The following LMBR1 variants were observed in gnomAD, a reference collection of about 807,000 sequenced individuals.
LMBR1 encodes the protein limb region 1 protein homolog.
In LMBR1, 52 loss-of-function variants were observed where a neutral mutation model predicts 73.9. The observed-to-expected ratio is 0.70, with a 90% CI of 0.56 to 0.89. The LOEUF (loss-of-function observed/expected upper bound fraction) is 0.89. LMBR1 is among the 40% of genes least tolerant of loss of function. LMBR1 has a pLI of 0.00. For synonymous variants in LMBR1, 215 were observed against 209.4 expected, an observed-to-expected ratio of 1.03 and a Z score of -0.23; for missense variants, 539 against 579.8, an observed-to-expected ratio of 0.93 and a Z score of 0.72.
At chr7:156,811,182 T>C (rs954313970) in intron 4 of LMBR1, among the ~76,000 whole-genome samples, 1 of 152,236 alleles carries the variant, frequency 6.6e-6, no homozygotes, top group African/African-American at 2.4e-5. Flanking sequence ...TAATCTGCTA[T>C]TAATCTACTG....
At chr7:156,754,157 T>C (rs1821427149) in intron 9 of LMBR1, among the ~76,000 whole-genome samples, 1 of 152,310 alleles carries the variant, frequency 6.6e-6, no homozygotes, top group East Asian at 1.9e-4. Flanking sequence ...CAGCTTTGCT[T>C]TACTTTATTA....
chr7:156,773,806 A>G (rs949177436), intron 5 of LMBR1, among the ~76,000 whole-genome samples: 15 of 152,306 alleles, frequency 9.8e-5, no homozygotes, highest in Admixed American at 9.8e-4. Context: ...AGATTTCAGG[A>G]TGAAGACACC....
chr7:156,695,270 C>T (rs887949959), intron 15 of LMBR1, among the ~76,000 whole-genome samples: 1 of 152,222 alleles, frequency 6.6e-6, no homozygotes, highest in Non-Finnish European at 1.5e-5. Flanking sequence ...AATCATACCA[C>T]TACACTCCAG....
chr7:156,740,623 C>A (rs1818707000), intron 9 of LMBR1, among the ~76,000 whole-genome samples: 2 of 152,156 alleles, frequency 1.3e-5, no homozygotes, highest in African/African-American at 4.8e-5. Context: ...AAAACACTTA[C>A]ACCCTAGAAT....
At chr7:156,884,412 T>C (rs1309007653) in intron 1 of LMBR1, among the ~76,000 whole-genome samples, 3 of 152,094 alleles carry the variant, frequency 2.0e-5, no homozygotes, top group South Asian at 4.2e-4. Flanking sequence ...AACATGAACA[T>C]TGTCCAAATC....
intron 16 of LMBR1, among the ~76,000 whole-genome samples, chr7:156,684,986 G>T (rs1805703351): frequency 6.6e-6 from 1 of 151,962 alleles, no homozygotes; most frequent in Non-Finnish European, 1.5e-5. Context: ...AAAATAAATT[G>T]CCCCTTACAC....
Position 156,670,470 on chromosome 7 carries a change from C to T in LMBR1, n.867-1183G>A, listed in dbSNP as rs996142807. Among the ~76,000 whole-genome samples, 1 of 152,182 alleles carries T rather than the reference C, an allele frequency of 6.6e-6. No homozygotes were observed. The highest frequency in any genetic ancestry group is 2.4e-5 in the African/African-American group (1 of 41,434). On this transcript the variant is annotated intron_variant and non_coding_transcript_variant, in intron 4 of 4. Transcript: ENST00000430825. The surrounding 1 kb of genome is among the most constrained non-coding windows in gnomAD (Gnocchi z 4.3). ...AAGAGAACACGTGGGACAGAGGCAA[C>T]AGCTTGAAGCAACAAAGGCTAAGAA...
intron 1 of LMBR1, among the ~76,000 whole-genome samples, chr7:156,855,440 C>T (rs914894490): frequency 6.6e-6 from 1 of 151,946 alleles, no homozygotes; most frequent in African/African-American, 2.4e-5. Context: ...GGAAACTTCC[C>T]AAGCTGAAAA....
intron 9 of LMBR1, among the ~76,000 whole-genome samples, chr7:156,750,955 C>G (rs1820762857): frequency 6.6e-6 from 1 of 151,988 alleles, no homozygotes; most frequent in Admixed American, 6.5e-5. Flanking sequence ...ACAAAAAACA[C>G]AAAAATTAGC....
At chr7:156,772,287 C>T (rs922171438) in intron 5 of LMBR1, among the ~76,000 whole-genome samples, 5 of 152,116 alleles carry the variant, frequency 3.3e-5, no homozygotes, top group Admixed American at 6.6e-5. Context: ...AAGAAAACCA[C>T]ATGATCATCT....
intron 4 of LMBR1, among the ~76,000 whole-genome samples, chr7:156,803,714 T>G (rs971496526): frequency 1.3e-5 from 2 of 151,870 alleles, no homozygotes; most frequent in African/African-American, 4.8e-5. Flanking sequence ...TGTGGCACTA[T>G]TCACAATAGA....
Position 156,730,959 on chromosome 7 carries a change from A to G in LMBR1, c.839-2239T>C, listed in dbSNP as rs530455007. Reference sequence around the variant, plus strand: ...TTCATAAATAAATAAATAAATGGAAAAAGAGGGAAAAAAAAAGACAATGGA... The same window carrying G: ...TTCATAAATAAATAAATAAATGGAAGAAGAGGGAAAAAAAAAGACAATGGA... On this transcript the variant is annotated intron_variant, in intron 10 of 16. Coordinates refer to ENST00000353442, the MANE Select transcript of LMBR1 (RefSeq NM_022458.4). Among the ~76,000 whole-genome samples the G allele has an allele frequency of 2.0e-5, 3 of 152,230 alleles. No individual in the cohort carries two copies. In the South Asian group the frequency reaches 6.2e-4, roughly 32 times the overall value.
At chr7:156,696,143 C>G (rs190738306) in intron 15 of LMBR1, among the ~76,000 whole-genome samples, 2 of 151,972 alleles carry the variant, frequency 1.3e-5, no homozygotes, top group African/African-American at 4.8e-5. Context: ...TTTGTGATCC[C>G]GGGTTAGAGA....
intron 4 of LMBR1, chr7:156,823,482 T>C (rs1835125493): frequency 6.6e-6 from 1 of 152,134 alleles, no homozygotes; most frequent in Admixed American, 6.5e-5. Flanking sequence ...AAAAATCCTC[T>C]AGATGCTCAA....
intron 1 of LMBR1, among the ~76,000 whole-genome samples, chr7:156,854,442 A>G (rs1196495123): frequency 2.6e-5 from 4 of 152,222 alleles, no homozygotes; most frequent in Non-Finnish European, 5.9e-5. Context: ...TTAATTAAAA[A>G]ATAATAATAA....
Position 156,893,111 on chromosome 7 carries a change from G to A in LMBR1, c.-118C>T. On this transcript the variant is annotated 5_prime_UTR_variant, in exon 1 of 17. Transcript: ENST00000353442. ...GACCGGAGCCGGCACGGGCCCGCGA[G>A]CCGTGTTGGAACAGGTACCGCGACC... The A allele has an allele frequency of 9.3e-7, 1 of 1,072,692 alleles. No homozygotes were observed. The highest frequency in any genetic ancestry group is 1.2e-6 in the Non-Finnish European group (1 of 823,658). The allele number at this position is 1,072,692 out of a possible 1,614,324, so 66.4% of individuals were successfully genotyped here.
chr7:156,674,890 T>C (rs1803465080), downstream of LMBR1, among the ~76,000 whole-genome samples: 1 of 152,186 alleles, frequency 6.6e-6, no homozygotes. Context: ...ATTCGAACTT[T>C]TCTCTCAACT....
chr7:156,829,172 T>C (rs1836225328), intron 3 of LMBR1, among the ~76,000 whole-genome samples: 3 of 152,244 alleles, frequency 2.0e-5, no homozygotes, highest in Non-Finnish European at 4.4e-5. Context: ...TGTGCTCTCA[T>C]GGCGACTGGC....
rs146697568 is a variant in LMBR1 at position 156,842,474 on chromosome 7, C to T, written c.67-5589G>A. On this transcript the variant is annotated intron_variant, in intron 1 of 16. Coordinates refer to ENST00000353442, the MANE Select transcript of LMBR1 (RefSeq NM_022458.4). ...TATCTGTTGAGTGACCTTGCAGCTG[C>T]GCAGCTAGAGAAACAGTGTCTGTAC... 2.8e-3 allele frequency among the ~76,000 whole-genome samples: 429 copies of T among 152,204 alleles called. 2 individuals are homozygous for T. The highest frequency in any genetic ancestry group is 5.1e-3 in the Non-Finnish European group (344 of 68,022).
Sources: allele counts gnomAD v4.1 joint callset (sites outside exome capture counted in the v4.1 genomes callset), GRCh38; gene constraint gnomAD v4.1.1; non-coding constraint Gnocchi (gnomAD v3.1); transcripts MANE v1.5; gene names NCBI Gene and HGNC (gene_info 2026-07-23, HGNC 2026-07-21).